The following IPCEF1 variants were observed in gnomAD, a reference collection of about 807,000 sequenced individuals.
IPCEF1 encodes interactor protein for cytohesin exchange factors 1.
A neutral mutation model predicts 50.9 loss-of-function variants in IPCEF1; 31 were observed. The observed-to-expected ratio is 0.61, with a 90% CI of 0.46 to 0.82. IPCEF1 has a LOEUF of 0.82. Ranked by LOEUF, IPCEF1 falls within the 40% of genes least tolerant of loss-of-function variation. The pLI is 0.00. For missense variants in IPCEF1, 458 were observed against 514.0 expected, an observed-to-expected ratio of 0.89 and a Z score of 1.05; for synonymous variants, 181 against 192.0, an observed-to-expected ratio of 0.94 and a Z score of 0.47.
intron 1 of IPCEF1, chr6:154,329,940 C>G (rs1302958939): frequency 6.6e-6 from 1 of 152,462 alleles, no homozygotes; most frequent in African/African-American, 2.4e-5. Context: ...CAGCCCCACT[C>G]TGGCCTCCGT....
chr6:154,243,091 T>C (rs891932444), intron 5 of IPCEF1, among the ~76,000 whole-genome samples: 2 of 152,122 alleles, frequency 1.3e-5, no homozygotes, highest in Non-Finnish European at 2.9e-5. Context: ...AAACAGCATA[T>C]GCGAAGGCTT....
intron 9 of IPCEF1, among the ~76,000 whole-genome samples, chr6:154,204,384 A>C (rs149804601): frequency 2.6e-5 from 4 of 152,204 alleles, no homozygotes; most frequent in African/African-American, 9.7e-5. Context: ...AAAACAAAAC[A>C]AAACCAAAAT....
At chr6:154,185,519 T>C (rs1468720969) in intron 10 of IPCEF1, among the ~76,000 whole-genome samples, 2 of 152,220 alleles carry the variant, frequency 1.3e-5, no homozygotes, top group East Asian at 1.9e-4. Context: ...ATGGCTGATA[T>C]AATACATGCT....
intron 2 of IPCEF1, among the ~76,000 whole-genome samples, chr6:154,266,560 C>CTATATATATATATATATA (rs34187257): frequency 4.9e-4 from 66 of 134,804 alleles, no homozygotes; most frequent in South Asian, 2.3e-3. Context: ...CTTAATATTA[C>CTATATATATATATATATA]TATATATATA....
At chr6:154,177,415 C>T (rs1800428623) in intron 10 of IPCEF1, among the ~76,000 whole-genome samples, 2 of 152,168 alleles carry the variant, frequency 1.3e-5, no homozygotes, top group African/African-American at 4.8e-5. Flanking sequence ...TATCCAGAAT[C>T]TACACAGAAC....
chr6:154,245,611 C>G (rs1223937955), intron 5 of IPCEF1, among the ~76,000 whole-genome samples: 1 of 152,148 alleles, frequency 6.6e-6, no homozygotes, highest in African/African-American at 2.4e-5. Context: ...CATGCATGCC[C>G]ACGTCATTTC....
At chr6:154,197,616 C>T (rs1776718267) in intron 10 of IPCEF1, among the ~76,000 whole-genome samples, 1 of 152,208 alleles carries the variant, frequency 6.6e-6, no homozygotes, top group South Asian at 2.1e-4. Flanking sequence ...TTCATTCTTA[C>T]ATTAAAAGGG....
In IPCEF1 at chr6:154,322,560, A is replaced by G. The variant is rs374125284; in HGVS notation, c.-61-32804T>C. Among the ~76,000 whole-genome samples the G allele has an allele frequency of 2.1e-3, 315 of 152,052 alleles. 4 individuals are homozygous for G. Among genetic ancestry groups the G allele is most frequent in the African/African-American group, 7.3e-3 (303 of 41,464 alleles). On this transcript the variant is annotated intron_variant, in intron 1 of 11. Coordinates refer to ENST00000367220, the MANE Select transcript of IPCEF1 (RefSeq NM_001130700.2). ...CTGCCTCCTAAAGAAAATGTTGGCC[A>G]GGCGTGTTGGCTCACAGCCGTAATC...
chr6:154,343,436 A>T (rs1783960731), intron 1 of IPCEF1, among the ~76,000 whole-genome samples: 1 of 152,186 alleles, frequency 6.6e-6, no homozygotes, highest in Non-Finnish European at 1.5e-5. Context: ...GGAAAGTGCC[A>T]TTTTATTAGG....
chr6:154,176,018 G>A (rs897299014), intron 10 of IPCEF1, among the ~76,000 whole-genome samples: 6 of 151,954 alleles, frequency 3.9e-5, no homozygotes, highest in African/African-American at 9.7e-5. Context: ...CTGCTTCAAC[G>A]TACCCAAATC....
intron 10 of IPCEF1, among the ~76,000 whole-genome samples, chr6:154,197,172 A>C (rs1231689381): frequency 6.6e-6 from 1 of 152,222 alleles, no homozygotes; most frequent in African/African-American, 2.4e-5. Flanking sequence ...ACAATTTCAG[A>C]CACAAGAATT....
chr6:154,214,213 C>A lies in IPCEF1; in HGVS notation c.451+5G>T. 1 of 1,586,388 alleles carries A rather than the reference C, an allele frequency of 6.3e-7. No homozygotes were observed. The highest frequency in any genetic ancestry group is 2.2e-5 in the East Asian group (1 of 44,724). On this transcript the variant is annotated splice_donor_5th_base_variant and intron_variant, in intron 8 of 11. Transcript: ENST00000367220. The stretch of plus-strand genomic sequence containing the variant: ...AAATTTTCAGAAATTTAAAATAGAA[C>A]ATACCTTCATCCTTTGTAGTGGATT...
rs74883587 is a variant in IPCEF1, at chr6:154,286,692, G to A, written c.-18+3021C>T. 2.0e-3 allele frequency among the ~76,000 whole-genome samples: 306 copies of A among 152,354 alleles called. 1 individual carries two copies. The highest frequency in any genetic ancestry group is 6.6e-3 in the African/African-American group (274 of 41,594). The stretch of plus-strand genomic sequence containing the variant: ...TAAAATGGGGAATGGGGAGAGCAGT[G>A]TGATGGAAGAAATGACACCACAATG... On this transcript the variant is annotated intron_variant, in intron 2 of 11. Coordinates refer to ENST00000367220, the MANE Select transcript of IPCEF1 (RefSeq NM_001130700.2).
At chr6:154,173,003 C>T (rs144270712) in intron 10 of IPCEF1, among the ~76,000 whole-genome samples, 19 of 152,310 alleles carry the variant, frequency 1.2e-4, no homozygotes, top group Admixed American at 9.8e-4. Context: ...CTGCAGCCTC[C>T]GCTGGTGATA....
chr6:154,271,259 G>T (rs1482819840), intron 2 of IPCEF1, among the ~76,000 whole-genome samples: 3 of 151,920 alleles, frequency 2.0e-5, no homozygotes, highest in Non-Finnish European at 4.4e-5. Flanking sequence ...GTAGTTGGGA[G>T]ATTGAGGCAG....
chr6:154,189,276 T>A (rs143290614), intron 10 of IPCEF1, among the ~76,000 whole-genome samples: 1 of 152,326 alleles, frequency 6.6e-6, no homozygotes, highest in Non-Finnish European at 1.5e-5. Flanking sequence ...AGAGCGCTCA[T>A]CCATGCTGAA....
intron 2 of IPCEF1, among the ~76,000 whole-genome samples, chr6:154,274,620 C>T (rs1448234868): frequency 6.6e-6 from 1 of 152,204 alleles, no homozygotes; most frequent in African/African-American, 2.4e-5. Flanking sequence ...ACAAAGCTCC[C>T]CTGAGTTGCT....
intron 5 of IPCEF1, among the ~76,000 whole-genome samples, chr6:154,227,188 A>C (rs1779319430): frequency 6.6e-6 from 1 of 152,048 alleles, no homozygotes; most frequent in Admixed American, 6.5e-5. Flanking sequence ...TGGGCAACAG[A>C]GCAAGATTCT....
At chr6:154,314,387 T>G (rs1027961070) in intron 1 of IPCEF1, among the ~76,000 whole-genome samples, 2 of 152,260 alleles carry the variant, frequency 1.3e-5, no homozygotes, top group South Asian at 4.1e-4. Context: ...ATCATTTGTA[T>G]AGAAATTTGA....
Sources: allele counts gnomAD v4.1 joint callset (sites outside exome capture counted in the v4.1 genomes callset), GRCh38; gene constraint gnomAD v4.1.1; transcripts MANE v1.5; gene names NCBI Gene and HGNC (gene_info 2026-07-23, HGNC 2026-07-21).